Variants in TMEM8B observed in about 807,000 individuals in gnomAD.
TMEM8B encodes the protein transmembrane protein 8B.
TMEM8B carries 29 observed loss-of-function variants against 49.3 expected under a neutral mutation model. The ratio of observed to expected loss-of-function variants is 0.59; its 90% CI spans 0.44 to 0.80. The LOEUF (loss-of-function observed/expected upper bound fraction) is 0.80, where lower values mean the gene tolerates loss of function less well. Ranked by LOEUF, TMEM8B falls within the 30% of genes least tolerant of loss-of-function variation. The pLI is 0.00. For missense variants in TMEM8B, 575 were observed against 658.5 expected (o/e 0.87, Z 1.39); for synonymous variants, 264 against 272.8 (o/e 0.97, Z 0.32).
Position 35,835,118 on chromosome 9 carries a change from C to G in TMEM8B, c.806C>G (p.Pro269Arg). The change falls in exon 3 of 13, where the codon CCC becomes CGC. Residue 269 changes from proline to arginine, a missense_variant. By Grantham distance (103) the Pro-to-Arg change is moderately radical (BLOSUM62 -2). Coordinates refer to ENST00000643932, the MANE Select transcript of TMEM8B (RefSeq NM_001042590.4). ...TCACTGACCCTCAGCTGGACACTGCCCAACCGCACCTCAGGCATCTTTAAC... is the reference window on the plus strand; with the variant it reads ...TCACTGACCCTCAGCTGGACACTGCGCAACCGCACCTCAGGCATCTTTAAC... Reference protein sequence around the residue: ...VFSLTLSWTLPNRTSGIFNVS... With the variant: ...VFSLTLSWTLRNRTSGIFNVS... 4.8e-6 allele frequency: 2 copies of G among 415,840 alleles called. No individual in the cohort carries two copies. The highest frequency in any genetic ancestry group is 7.1e-5 in the East Asian group (2 of 28,078). 25.8% of individuals were successfully genotyped at this position (415,840 alleles called of 1,614,324 possible).
intron 3 of TMEM8B, among the ~76,000 whole-genome samples, chr9:35,840,437 C>G (rs1309733633): frequency 6.6e-6 from 1 of 152,162 alleles, no homozygotes; most frequent in Non-Finnish European, 1.5e-5. Context: ...GAGGTATGCA[C>G]TCTATGTGAG....
In TMEM8B at chr9:35,853,189, G is replaced by A; in HGVS notation, c.2371G>A (p.Asp791Asn). 1 of 1,614,152 alleles carries A rather than the reference G, an allele frequency of 6.2e-7. No individual in the cohort carries two copies. Among genetic ancestry groups the A allele is most frequent in the South Asian group, 1.1e-5 (1 of 91,078 alleles). ...GCTGCTGTCCATGGCTCTGCAGCTTGACCGACATGGACTCTGGAACCTGCT... is the reference window on the plus strand; with the variant it reads ...GCTGCTGTCCATGGCTCTGCAGCTTAACCGACATGGACTCTGGAACCTGCT... ...AMLLSMALQLDRHGLWNLLGP... is the reference protein window; with the variant it reads ...AMLLSMALQLNRHGLWNLLGP... The change falls in exon 12 of 13, where the codon GAC (aspartate) becomes AAC (asparagine). Residue 791 changes from aspartate (D) to asparagine (N), a missense_variant. By Grantham distance (23) the Asp-to-Asn change is conservative. Transcript: ENST00000643932. The surrounding 1 kb of genome is among the most constrained non-coding windows in gnomAD (Gnocchi z 4.2).
intron 1 of TMEM8B, among the ~76,000 whole-genome samples, chr9:35,830,247 T>C (rs771881913): frequency 6.6e-5 from 10 of 152,206 alleles, no homozygotes; most frequent in Non-Finnish European, 1.5e-4. Flanking sequence ...AGGGAAATGT[T>C]GTGGGCTTTG....
Position 35,862,590 on chromosome 9 carries a change from C to CT in TMEM8B, c.*8751dup, listed in dbSNP as rs1415474810. ...CCACCGCATCCCTCATGCACACCTG[C>CT]TGCAGCCTCATCAGACCACTCCCTG... On this transcript the variant is annotated 3_prime_UTR_variant, in exon 13 of 13. Transcript: ENST00000643932. 1 of 152,420 alleles carries CT rather than the reference C, an allele frequency of 6.6e-6. No individual in the cohort carries two copies. Among genetic ancestry groups the CT allele is most frequent in the Non-Finnish European group, 1.5e-5 (1 of 68,176 alleles). The allele number at this position is 152,420 out of a possible 1,614,324, so 9.4% of individuals were successfully genotyped here.
rs915708607 is a variant in TMEM8B, at chr9:35,864,181, G to C, written c.*10341G>C. The C allele has an allele frequency of 5.9e-5, 9 of 152,186 alleles. No individual in the cohort carries two copies. The highest frequency in any genetic ancestry group is 3.3e-4 in the Admixed American group (5 of 15,282). 9.4% of individuals were successfully genotyped at this position (152,186 alleles called of 1,614,324 possible). ...AAGTGGAGCCAATTAAGCGATCTCC[G>C]ATATGCTGTAATCTCTGAAACATTT... On this transcript the variant is annotated 3_prime_UTR_variant, in exon 13 of 13. Coordinates refer to ENST00000643932, the MANE Select transcript of TMEM8B (RefSeq NM_001042590.4).
rs1554679975 is a variant in TMEM8B at position 35,834,031 on chromosome 9, T to TATAC, written c.509-429_509-428insTACA. Among the ~76,000 whole-genome samples, 1,123 of 138,408 alleles carry TATAC rather than the reference T, an allele frequency of 8.1e-3. 10 individuals carry two copies. Among genetic ancestry groups the TATAC allele is most frequent in the African/African-American group, 0.029 (1,076 of 37,160 alleles). The allele number at this position is 138,408 out of a possible 152,430, so 90.8% of individuals were successfully genotyped here. A position where few individuals can be genotyped will look rare whatever the true frequency, so the allele number is the denominator to read the frequency against. Reference sequence around the variant, plus strand: ...AGTGGCTTAAGACGCCATGCCAAAATACACACACACACACACACACACACA... The same window carrying TATAC: ...AGTGGCTTAAGACGCCATGCCAAAATATACACACACACACACACACACACACACA... On this transcript the variant is annotated intron_variant, in intron 1 of 12. Coordinates refer to ENST00000643932, the MANE Select transcript of TMEM8B (RefSeq NM_001042590.4).
At chr9:35,848,736 G>A (rs560949674) in intron 10 of TMEM8B, among the ~76,000 whole-genome samples, 39 of 148,934 alleles carry the variant, frequency 2.6e-4, no homozygotes, top group Non-Finnish European at 3.7e-4. Flanking sequence ...GTGCAGTGGC[G>A]CGATCTTAGC....
At chr9:35,851,045 C>G (rs1832083296) in intron 10 of TMEM8B, among the ~76,000 whole-genome samples, 1 of 152,152 alleles carries the variant, frequency 6.6e-6, no homozygotes. Flanking sequence ...AATGAATCAG[C>G]ACATACAAAT....
rs1164903545 is a variant in TMEM8B, at chr9:35,829,545, T to C, written c.98T>C (p.Leu33Pro). Reference protein sequence around the residue: ...SPRFPHRPQPLPGSPSRTPFQ... With the variant: ...SPRFPHRPQPPPGSPSRTPFQ... ...CGCTTCCCACATCGGCCCCAGCCCC[T>C]GCCTGGGTCCCCATCCAGGACCCCC... is the stretch of plus-strand genomic sequence containing the variant. The change falls in exon 1 of 13, where the codon CTG becomes CCG. Residue 33 changes from leucine to proline, a missense_variant. By Grantham distance (98) the Leu-to-Pro change is moderately conservative (BLOSUM62 -3). Transcript: ENST00000643932. The C allele has an allele frequency of 1.9e-4, 14 of 74,046 alleles. No homozygotes were observed. Among genetic ancestry groups the C allele is most frequent in the Non-Finnish European group, 2.7e-4 (11 of 40,936 alleles). 4.6% of individuals were successfully genotyped at this position (74,046 alleles called of 1,614,324 possible).
In TMEM8B at chr9:35,853,927, G is replaced by A. The variant is rs1200457214; in HGVS notation, c.*87G>A. 1 of 1,441,494 alleles carries A rather than the reference G, an allele frequency of 6.9e-7. No homozygotes were observed. The highest frequency in any genetic ancestry group is 1.4e-5 in the African/African-American group (1 of 70,214). The allele number at this position is 1,441,494 out of a possible 1,614,324, so 89.3% of individuals were successfully genotyped here. A position where few individuals can be genotyped will look rare whatever the true frequency, so the allele number is the denominator to read the frequency against. ...GTGGAGCCCTCTTAGAAGGAGACAG[G>A]CTGTATTTCTTGAGGACATGGAGTC... On this transcript the variant is annotated 3_prime_UTR_variant, in exon 13 of 13. Coordinates refer to ENST00000643932, the MANE Select transcript of TMEM8B (RefSeq NM_001042590.4). The surrounding 1 kb of genome is among the most constrained non-coding windows in gnomAD (Gnocchi z 4.2).
intron 10 of TMEM8B, 68 bp downstream of exon 10, chr9:35,847,063 C>T (rs1357516904): frequency 1.9e-6 from 3 of 1,614,092 alleles, no homozygotes; most frequent in Admixed American, 3.3e-5. Flanking sequence ...GTCTGTATTT[C>T]CACCACGTTC....
At chr9:35,830,888 G>T (rs1246526193) in intron 1 of TMEM8B, among the ~76,000 whole-genome samples, 1 of 152,190 alleles carries the variant, frequency 6.6e-6, no homozygotes, top group Non-Finnish European at 1.5e-5. Flanking sequence ...AGGAGGGGGT[G>T]TCCTGGTCTA....
Position 35,841,371 on chromosome 9 carries a change from G to A in TMEM8B, c.1040+104G>A, listed in dbSNP as rs2132294171. The A allele has an allele frequency of 4.8e-6, 2 of 413,648 alleles. No individual in the cohort carries two copies. The highest frequency in any genetic ancestry group is 6.2e-4 in the Middle Eastern group (2 of 3,226). 25.6% of individuals were successfully genotyped at this position (413,648 alleles called of 1,614,324 possible). Reference sequence around the variant, plus strand: ...CTCCACCTACCTGCCTGGTCCCTGGGTGGGATCCCTGCCTCCCTCCCTCCC... The same window carrying A: ...CTCCACCTACCTGCCTGGTCCCTGGATGGGATCCCTGCCTCCCTCCCTCCC... On this transcript the variant is annotated intron_variant, in intron 4 of 12. Transcript: ENST00000643932. This position sits in a 1 kb window ranked among gnomAD's most constrained non-coding sequence, Gnocchi z 5.9.
In TMEM8B at chr9:35,847,872, C is replaced by T. The variant is rs111954785; in HGVS notation, c.2175+877C>T. Among the ~76,000 whole-genome samples the T allele has an allele frequency of 7.2e-4, 110 of 152,282 alleles. 1 individual carries two copies. Among genetic ancestry groups the T allele is most frequent in the African/African-American group, 2.4e-3 (99 of 41,564 alleles). Reference sequence around the variant, plus strand: ...TAGAGAAGTGAGCCTGCTAATGTTACTTAACCCCCAAGTAGACTTTTTACC... The same window carrying T: ...TAGAGAAGTGAGCCTGCTAATGTTATTTAACCCCCAAGTAGACTTTTTACC... On this transcript the variant is annotated intron_variant, in intron 10 of 12. Transcript: ENST00000643932.
intron 10 of TMEM8B, among the ~76,000 whole-genome samples, chr9:35,850,343 A>G (rs1374324895): frequency 6.6e-6 from 1 of 152,234 alleles, no homozygotes. Flanking sequence ...GAATTATATT[A>G]ATAGAAGTCA....
rs2132307822 is a variant in TMEM8B, at chr9:35,842,682, G to A, written c.1600G>A (p.Gly534Arg). 3 of 1,613,960 alleles carry A rather than the reference G, an allele frequency of 1.9e-6. No individual in the cohort carries two copies. The highest frequency in any genetic ancestry group is 2.5e-6 in the Non-Finnish European group (3 of 1,179,918). ...AMRLLPVLDSGGVLSLELQLN... is the reference protein window; with the variant it reads ...AMRLLPVLDSRGVLSLELQLN... ...GAGGCTGTTGCCAGTGCTGGACAGT[G>A]GAGGCGTCCTCAGCCTGGAGCTCCA... The change falls in exon 6 of 13, where the codon GGA becomes AGA. Residue 534 changes from glycine (G) to arginine (R), a missense_variant. Gly to Arg is a moderately radical substitution (Grantham distance 125). Coordinates refer to ENST00000643932, the MANE Select transcript of TMEM8B (RefSeq NM_001042590.4). The surrounding 1 kb of genome is among the most constrained non-coding windows in gnomAD (Gnocchi z 5.6).
chr9:35,830,087 G>C (rs904787969), intron 1 of TMEM8B, 132 bp downstream of exon 1: 2 of 401,022 alleles, frequency 5.0e-6, no homozygotes, highest in African/African-American at 4.1e-5. Context: ...ATAGAGAGTA[G>C]AGAGGTCTTA....
At position 35,861,779 on chromosome 9, in the gene TMEM8B, G is replaced by A. The variant is rs954049539; in HGVS notation, c.*7939G>A. ...TGACCTGTTACTGAGGCTGGATGGA[G>A]GATGGCATCCATCATCAGCTACAGG... On this transcript the variant is annotated 3_prime_UTR_variant, in exon 13 of 13. Coordinates refer to ENST00000643932, the MANE Select transcript of TMEM8B (RefSeq NM_001042590.4). The A allele has an allele frequency of 6.6e-6, 1 of 152,200 alleles. No individual in the cohort carries two copies. Among genetic ancestry groups the A allele is most frequent in the African/African-American group, 2.4e-5 (1 of 41,420 alleles). The allele number at this position is 152,200 out of a possible 1,614,324, so 9.4% of individuals were successfully genotyped here.
rs1457630798 is a variant in TMEM8B at position 35,853,169 on chromosome 9, T to A, written c.2351T>A (p.Leu784Gln). The change falls in exon 12 of 13, where the codon CTG becomes CAG. Residue 784 changes from leucine to glutamine, a missense_variant. Coordinates refer to ENST00000643932, the MANE Select transcript of TMEM8B (RefSeq NM_001042590.4). The surrounding 1 kb of genome is among the most constrained non-coding windows in gnomAD (Gnocchi z 4.2). ...CTGTATTTGCTGGGAGCTATGCTGC[T>A]GTCCATGGCTCTGCAGCTTGACCGA... is the stretch of plus-strand genomic sequence containing the variant. ...QVLYLLGAMLLSMALQLDRHG... is the reference protein window; with the variant it reads ...QVLYLLGAMLQSMALQLDRHG... The A allele has an allele frequency of 6.2e-7, 1 of 1,614,092 alleles. No homozygotes were observed. The highest frequency in any genetic ancestry group is 8.5e-7 in the Non-Finnish European group (1 of 1,179,908).
Sources: gnomAD v4.1 joint callset for allele counts (sites outside exome capture counted in the v4.1 genomes callset) on GRCh38, gnomAD v4.1.1 for gene constraint, Gnocchi (gnomAD v3.1) non-coding constraint, MANE v1.5 for transcripts, NCBI Gene and HGNC (gene_info 2026-07-23, HGNC 2026-07-21) for gene names.